The following PDCD6 variants were observed in gnomAD, a reference collection of about 807,000 sequenced individuals.
The protein encoded by PDCD6 is programmed cell death protein 6.
A neutral mutation model predicts 28.3 loss-of-function variants in PDCD6; 12 were observed. The ratio of observed to expected loss-of-function variants is 0.42; its 90% CI spans 0.27 to 0.69. The LOEUF (loss-of-function observed/expected upper bound fraction) is 0.69, where lower values mean the gene tolerates loss of function less well. PDCD6 is among the 30% of genes least tolerant of loss of function. The pLI is 0.22. For missense variants in PDCD6, 226 were observed against 269.9 expected, an observed-to-expected ratio of 0.84 and a Z score of 1.14; for synonymous variants, 92 against 108.0, an observed-to-expected ratio of 0.85 and a Z score of 0.92.
intron 4 of PDCD6, 82 bp downstream of exon 4, chr5:306,842 T>G: frequency 1.5e-6 from 2 of 1,375,354 alleles, no homozygotes; most frequent in Non-Finnish European, 2.1e-6. Context: ...CTTGTTGGAC[T>G]TAACTGATTG....
In PDCD6 at chr5:308,998, T is replaced by TCCCCTC. The variant is rs1456425452; in HGVS notation, c.367+2239_367+2244dup. 1.9e-5 allele frequency: 3 copies of TCCCCTC among 154,102 alleles called. No individual in the cohort carries two copies. The East Asian group carries it at 5.5e-4, about 28-fold the overall frequency. 9.5% of individuals were successfully genotyped at this position (154,102 alleles called of 1,614,324 possible). A position where few individuals can be genotyped will look rare whatever the true frequency, so the allele number is the denominator to read the frequency against. On this transcript the variant is annotated intron_variant, in intron 4 of 5. Transcript: ENST00000264933. ...TTGCTGTAAACAGCCGGTGAGATTC[T>TCCCCTC]CCCCTCTGGTGGGCAGTGCGTGTCT... is the stretch of plus-strand genomic sequence containing the variant.
At chr5:275,073 A>T (rs1738101929) in intron 2 of PDCD6, among the ~76,000 whole-genome samples, 1 of 151,570 alleles carries the variant, frequency 6.6e-6, no homozygotes, top group East Asian at 1.9e-4. Flanking sequence ...TCTGCCTTTC[A>T]TCTCTGTGGG....
At chr5:284,823 C>T (rs528541867) in intron 2 of PDCD6, among the ~76,000 whole-genome samples, 1 of 150,730 alleles carries the variant, frequency 6.6e-6, no homozygotes, top group East Asian at 2.0e-4. Flanking sequence ...AACTGGAGAC[C>T]CGGGGGGGAG....
At chr5:306,396 A>C in intron 3 of PDCD6, 1 of 564,412 alleles carries the variant, frequency 1.8e-6, no homozygotes, top group Non-Finnish European at 3.2e-6. Flanking sequence ...GCTGGGGGAC[A>C]ATCCCCCACA....
chr5:284,808 C>T (rs1223664784), intron 2 of PDCD6, among the ~76,000 whole-genome samples: 1 of 150,780 alleles, frequency 6.6e-6, no homozygotes, highest in African/African-American at 2.4e-5. Flanking sequence ...GTTTGAGGGC[C>T]ATACAACTGG....
At chr5:287,777 A>G (rs1739063364) in intron 2 of PDCD6, among the ~76,000 whole-genome samples, 1 of 152,234 alleles carries the variant, frequency 6.6e-6, no homozygotes, top group Admixed American at 6.5e-5. Flanking sequence ...GCTCAGGTAC[A>G]TATTAAAGTA....
chr5:292,404 G>A (rs7719490), intron 2 of PDCD6, among the ~76,000 whole-genome samples: 36,614 of 151,546 alleles, frequency 0.24, 6,885 homozygotes, highest in African/African-American at 0.53. Context: ...GATTACAGGC[G>A]CCCGCCACCA....
At chr5:301,260 G>A (rs1351055521) in intron 2 of PDCD6, among the ~76,000 whole-genome samples, 1 of 152,164 alleles carries the variant, frequency 6.6e-6, no homozygotes, top group Non-Finnish European at 1.5e-5. Flanking sequence ...TTGGCTCCTG[G>A]GGCTTCTGTC....
At chr5:276,901 G>A (rs1738234366) in intron 2 of PDCD6, 5 of 984,896 alleles carry the variant, frequency 5.1e-6, no homozygotes, top group Non-Finnish European at 6.0e-6. Context: ...GAAGAAGACT[G>A]TTCTCTGCCC....
chr5:279,995 A>AG (rs1166531160), intron 2 of PDCD6, among the ~76,000 whole-genome samples: 2 of 71,074 alleles, frequency 2.8e-5, no homozygotes, highest in African/African-American at 1.2e-4. Context: ...AGTCCAAGGG[A>AG]GGGGGGTGGG....
chr5:284,185 G>T (rs575940984), intron 2 of PDCD6, among the ~76,000 whole-genome samples: 1 of 152,018 alleles, frequency 6.6e-6, no homozygotes, highest in African/African-American at 2.4e-5. Context: ...GATGTAGTTT[G>T]AAGGTCTTGC....
chr5:311,246 C>A, intron 4 of PDCD6, 47 bp from the exon 5 acceptor site: 2 of 1,426,938 alleles, frequency 1.4e-6, no homozygotes, highest in Non-Finnish European at 2.0e-6. Flanking sequence ...TGGCACATAC[C>A]TCCCGTCTCT....
intron 2 of PDCD6, among the ~76,000 whole-genome samples, chr5:291,855 C>T (rs1247690866): frequency 2.0e-5 from 3 of 152,290 alleles, no homozygotes; most frequent in Non-Finnish European, 2.9e-5. Flanking sequence ...TTGTTGGGAA[C>T]GTTCTTGGGC....
At position 277,164 on chromosome 5, in the gene PDCD6, C is replaced by T. The variant is rs570159071; in HGVS notation, c.163+4392C>T. Among the ~76,000 whole-genome samples, 12 of 152,272 alleles carry T rather than the reference C, an allele frequency of 7.9e-5. 1 individual carries two copies. The East Asian group carries it at 1.7e-3, about 22-fold the overall frequency. On this transcript the variant is annotated intron_variant, in intron 2 of 5. Coordinates refer to ENST00000264933, the MANE Select transcript of PDCD6 (RefSeq NM_013232.4). ...TTTTTGAGACAGAGGCTTGCTCTAT[C>T]GCCCAGGCTGGAGTGCAGTGGCACG...
intron 2 of PDCD6, among the ~76,000 whole-genome samples, chr5:282,831 C>T (rs950365807): frequency 6.6e-6 from 1 of 152,134 alleles, no homozygotes; most frequent in African/African-American, 2.4e-5. Context: ...GATCTTGCAG[C>T]TGCAGACGTG....
At chr5:293,363 C>T (rs747045936) in intron 2 of PDCD6, among the ~76,000 whole-genome samples, 2 of 107,748 alleles carry the variant, frequency 1.9e-5, no homozygotes, top group Non-Finnish European at 3.7e-5. Context: ...GAGCTGCAAA[C>T]GCCTGCGATA....
At chr5:282,325 C>T (rs1217860932) in intron 2 of PDCD6, among the ~76,000 whole-genome samples, 1 of 149,810 alleles carries the variant, frequency 6.7e-6, no homozygotes, top group East Asian at 2.0e-4. Context: ...GCTGGAGACT[C>T]GGGGAGGAGC....
chr5:277,096 A>C lies in PDCD6; in HGVS notation c.163+4324A>C, dbSNP rs150835045. The stretch of plus-strand genomic sequence containing the variant: ...GGCATTTTTAAAGCTGTACTTTAAA[A>C]AATAATAATTCTTACATTCGTTTGA... On this transcript the variant is annotated intron_variant, in intron 2 of 5. Transcript: ENST00000264933. Among the ~76,000 whole-genome samples the C allele has an allele frequency of 9.8e-3, 1,493 of 152,296 alleles. 20 individuals carry two copies. Among genetic ancestry groups the C allele is most frequent in the African/African-American group, 0.033 (1,382 of 41,546 alleles).
At chr5:273,774 C>T (rs1009026891) in intron 2 of PDCD6, among the ~76,000 whole-genome samples, 24 of 152,102 alleles carry the variant, frequency 1.6e-4, no homozygotes, top group African/African-American at 4.1e-4. Context: ...CCTTATATTA[C>T]GACATCAGTT....
Sources: allele counts gnomAD v4.1 joint callset (sites outside exome capture counted in the v4.1 genomes callset), GRCh38; gene constraint gnomAD v4.1.1; transcripts MANE v1.5; gene names NCBI Gene and HGNC (gene_info 2026-07-23, HGNC 2026-07-21).